MROH2A: variants seen among roughly 807,000 people sequenced by gnomAD.
MROH2A encodes maestro heat-like repeat-containing protein family member 2A.
MROH2A carries 174 observed loss-of-function variants against 200.4 expected under a neutral mutation model. The ratio of observed to expected loss-of-function variants is 0.87; its 90% CI spans 0.77 to 0.98. MROH2A has a LOEUF of 0.98. Among genes scored for constraint, MROH2A ranks in the 50% least tolerant of loss-of-function variants. The probability of loss-of-function intolerance (pLI) is 0.00; values close to 1 mark genes in which losing one functional copy is unlikely to be tolerated. For synonymous variants in MROH2A, 829 were observed against 840.4 expected, an observed-to-expected ratio of 0.99 and a Z score of 0.23; for missense variants, 2,045 against 2,139.6, an observed-to-expected ratio of 0.96 and a Z score of 0.87.
At position 233,831,393 on chromosome 2, in the gene MROH2A, T is replaced by C; in HGVS notation, c.4603-16T>C. ...GGCCTGGCTGATGGCTCTGCTGCCG[T>C]CCTGTGTCCCTGCAGGCCTGTATGG... On this transcript the variant is annotated splice_polypyrimidine_tract_variant and intron_variant, in intron 38 of 41. Coordinates refer to ENST00000389758, the MANE Select transcript of MROH2A (RefSeq NM_001394639.1). 1 of 1,543,470 alleles carries C rather than the reference T, an allele frequency of 6.5e-7. No individual in the cohort carries two copies. Among genetic ancestry groups the C allele is most frequent in the Non-Finnish European group, 8.7e-7 (1 of 1,143,610 alleles).
At chr2:233,831,190 G>T (rs1361368860) in intron 38 of MROH2A, among the ~76,000 whole-genome samples, 1 of 152,376 alleles carries the variant, frequency 6.6e-6, no homozygotes, top group African/African-American at 2.4e-5. Context: ...GGGTGGGGCT[G>T]CATCTGCCCC....
At chr2:233,792,068 T>C (rs1159321066) in intron 5 of MROH2A, among the ~76,000 whole-genome samples, 3 of 152,050 alleles carry the variant, frequency 2.0e-5, no homozygotes, top group Non-Finnish European at 4.4e-5. Flanking sequence ...TCACCTGCTG[T>C]CTCCCTGCTT....
At chr2:233,798,319 G>A (rs1165479473) in intron 11 of MROH2A, among the ~76,000 whole-genome samples, 1 of 152,214 alleles carries the variant, frequency 6.6e-6, no homozygotes, top group East Asian at 1.9e-4. Flanking sequence ...AGGAAACTGA[G>A]GCGCAGAGGG....
intron 27 of MROH2A, among the ~76,000 whole-genome samples, chr2:233,817,281 A>G (rs1227675912): frequency 6.6e-6 from 1 of 152,230 alleles, no homozygotes; most frequent in African/African-American, 2.4e-5. Context: ...GTTTTTACTG[A>G]TTGACCATCT....
At chr2:233,784,279 T>C (rs1480130403) in intron 3 of MROH2A, among the ~76,000 whole-genome samples, 1 of 152,204 alleles carries the variant, frequency 6.6e-6, no homozygotes, top group East Asian at 1.9e-4. Context: ...AATTTCCTTC[T>C]TAATTTCTTT....
At chr2:233,817,942 G>A in intron 27 of MROH2A, 60 bp from the exon 28 acceptor site, 2 of 1,544,316 alleles carry the variant, frequency 1.3e-6, no homozygotes, top group East Asian at 2.4e-5. Flanking sequence ...CTGCCCCTGG[G>A]CAGCCCCAGG....
intron 27 of MROH2A, among the ~76,000 whole-genome samples, chr2:233,817,592 A>G (rs915329975): frequency 6.6e-6 from 1 of 152,236 alleles, no homozygotes; most frequent in African/African-American, 2.4e-5. Flanking sequence ...TCCCTGCAAG[A>G]GGAGGTGCCA....
At chr2:233,804,220 G>A in intron 17 of MROH2A, 28 bp downstream of exon 17, 2 of 1,549,654 alleles carry the variant, frequency 1.3e-6, no homozygotes, top group Non-Finnish European at 1.7e-6. Context: ...CCCATCCCAA[G>A]CCAACCCTCC....
rs748469745 is a variant in MROH2A, at chr2:233,779,782, T to A, written c.206T>A (p.Ile69Asn). 2 of 1,550,638 alleles carry A rather than the reference T, an allele frequency of 1.3e-6. No homozygotes were observed. Among genetic ancestry groups the A allele is most frequent in the African/African-American group, 2.7e-5 (2 of 73,026 alleles). Residue 69 changes from isoleucine (I) to asparagine (N), a missense_variant, in exon 3 of 42, where the codon ATC becomes AAC. Coordinates refer to ENST00000389758, the MANE Select transcript of MROH2A (RefSeq NM_001394639.1). Reference sequence around the variant, plus strand: ...CGGAAGACCCTGGCCTCGGTGATAATCATGGAGAAGGCCACCACTGAGCCT... The same window carrying A: ...CGGAAGACCCTGGCCTCGGTGATAAACATGGAGAAGGCCACCACTGAGCCT... Reference protein sequence around the residue: ...DMRKTLASVIIMEKATTEPSV... With the variant: ...DMRKTLASVINMEKATTEPSV...
At chr2:233,778,244 G>C (rs1700765492), upstream of MROH2A, 1 of 157,028 alleles carries the variant, frequency 6.4e-6, no homozygotes, top group South Asian at 2.0e-4. Context: ...AGAGACTCAG[G>C]GAGGCAGTTG....
intron 26 of MROH2A, among the ~76,000 whole-genome samples, chr2:233,815,610 GGATAGCCAA>G: frequency 6.6e-6 from 1 of 152,242 alleles, no homozygotes; most frequent in South Asian, 2.1e-4. Flanking sequence ...TTTTGCACAT[GGATAGCCAA>G]TTGTTTCAGC....
At chr2:233,813,912 A>T in intron 25 of MROH2A, 134 bp downstream of exon 25, 1 of 534,938 alleles carries the variant, frequency 1.9e-6, no homozygotes, top group Non-Finnish European at 3.4e-6. Context: ...AAGCTCTATC[A>T]GTAAATGTAA....
chr2:233,813,369 A>G (rs1409038622), intron 24 of MROH2A, among the ~76,000 whole-genome samples: 2 of 152,226 alleles, frequency 1.3e-5, no homozygotes, highest in East Asian at 3.8e-4. Flanking sequence ...CCATAGTTGC[A>G]GTCGGCAAGG....
At chr2:233,792,495 G>A (rs567360933) in intron 5 of MROH2A, among the ~76,000 whole-genome samples, 4 of 152,056 alleles carry the variant, frequency 2.6e-5, no homozygotes, top group African/African-American at 4.8e-5. Context: ...TGTATTTTTA[G>A]TAGAGACGGG....
At chr2:233,815,845 C>CTTTTTTTTTTTTTTTTTTTTTTTT (rs5839494) in intron 26 of MROH2A, among the ~76,000 whole-genome samples, 1 of 129,252 alleles carries the variant, frequency 7.7e-6, no homozygotes, top group Non-Finnish European at 1.6e-5. Context: ...TTAGATTTTG[C>CTTTTTTTTTTTTTTTTTTTTTTTT]TTTTTTTTTT....
Position 233,802,019 on chromosome 2 carries a change from C to T in MROH2A, c.1561-149C>T, listed in dbSNP as rs577725999. 15 of 831,334 alleles carry T rather than the reference C, an allele frequency of 1.8e-5. No homozygotes were observed. In the Admixed American group the frequency reaches 4.2e-4, roughly 23 times the overall value. 51.5% of individuals were successfully genotyped at this position (831,334 alleles called of 1,614,324 possible). On this transcript the variant is annotated intron_variant, in intron 14 of 41. Coordinates refer to ENST00000389758, the MANE Select transcript of MROH2A (RefSeq NM_001394639.1). ...TGCCCCTGACAAAGACTGGATTTGG[C>T]GGTGGAGCCAGTTCAGGGCTGAGAC...
intron 3 of MROH2A, among the ~76,000 whole-genome samples, chr2:233,787,457 T>A (rs1413045391): frequency 1.1e-5 from 1 of 90,000 alleles, no homozygotes; most frequent in Non-Finnish European, 2.1e-5. Flanking sequence ...ACATATATAT[T>A]ATATATATAT....
At chr2:233,799,964 G>C (rs182966894) in intron 13 of MROH2A, 65 bp downstream of exon 13, 3 of 1,542,962 alleles carry the variant, frequency 1.9e-6, no homozygotes, top group Admixed American at 3.9e-5. Context: ...ACAGTGCTGA[G>C]GGGAGAATGC....
In MROH2A at chr2:233,789,924, G is replaced by T. The variant is rs1214995043; in HGVS notation, c.481G>T (p.Val161Phe). The change falls in exon 5 of 42, where the codon GTC (valine) becomes TTC (phenylalanine). Residue 161 changes from valine (V) to phenylalanine (F), a missense_variant. Coordinates refer to ENST00000389758, the MANE Select transcript of MROH2A (RefSeq NM_001394639.1). ...VALSRNHFSL[V>F]MYELQHHLKP... is the part of the protein sequence containing the mutation. ...TCTGTCCCGAAACCACTTCAGCTTG[G>T]TCATGTACGAGCTGCAGCACCACCT... The T allele has an allele frequency of 1.3e-6, 2 of 1,550,516 alleles. No individual in the cohort carries two copies. Among genetic ancestry groups the T allele is most frequent in the South Asian group, 2.4e-5 (2 of 84,058 alleles).
Sources: gnomAD v4.1 joint callset for allele counts (sites outside exome capture counted in the v4.1 genomes callset) on GRCh38, gnomAD v4.1.1 for gene constraint, MANE v1.5 for transcripts, NCBI Gene and HGNC (gene_info 2026-07-23, HGNC 2026-07-21) for gene names.